Variants in FAHD1 observed in about 807,000 individuals in gnomAD.
The protein encoded by FAHD1 is oxaloacetate tautomerase FAHD1, mitochondrial.
FAHD1 carries 14 observed loss-of-function variants against 12.7 expected under a neutral mutation model. That is an observed-to-expected ratio of 1.10 (90% CI 0.73 to 1.72). The LOEUF (loss-of-function observed/expected upper bound fraction) is 1.72, where lower values mean the gene tolerates loss of function less well. Ranked by LOEUF, FAHD1 falls within the 40% of genes most tolerant of loss-of-function variation. The pLI, the probability that FAHD1 is intolerant of heterozygous loss-of-function variation, is 0.00. For synonymous variants in FAHD1, 153 were observed against 124.9 expected (o/e 1.22, Z -1.50); for missense variants, 351 against 298.9 (o/e 1.17, Z -1.29).
chr16:1,833,076 G>A (rs1452790014), downstream of FAHD1, among the ~76,000 whole-genome samples: 1 of 152,062 alleles, frequency 6.6e-6, no homozygotes, highest in Non-Finnish European at 1.5e-5. Flanking sequence ...TAAAGTACCA[G>A]GTCAAACCTC....
chr16:1,835,789 G>A (rs1898728139), intron 1 of FAHD1, among the ~76,000 whole-genome samples: 1 of 152,130 alleles, frequency 6.6e-6, no homozygotes, highest in South Asian at 2.1e-4. Context: ...GGAGCCCAGA[G>A]GTTCATCTAC....
At chr16:1,830,915 T>TCTACACACACACAC (rs1326026830), downstream of FAHD1, among the ~76,000 whole-genome samples, 3 of 37,528 alleles carry the variant, frequency 8.0e-5, no homozygotes, top group African/African-American at 3.0e-4. Context: ...TCTCTCTCTC[T>TCTACACACACACAC]ATACACACAC....
At chr16:1,829,058 C>T (rs998117562), downstream of FAHD1, 6 of 394,174 alleles carry the variant, frequency 1.5e-5, no homozygotes, top group South Asian at 3.3e-4. Flanking sequence ...TACTTCCCAA[C>T]CGGAGATAAG....
chr16:1,827,526 G>C (rs2142061126), exon 1 of FAHD1: 9 of 1,613,216 alleles, frequency 5.6e-6, no homozygotes, highest in Non-Finnish European at 6.8e-6. Flanking sequence ...GCTATGCCCT[G>C]TGCCTGGATA....
exon 3 of FAHD1, chr16:1,839,439 C>A: frequency 6.2e-7 from 1 of 1,603,652 alleles, no homozygotes; most frequent in African/African-American, 1.3e-5. Context: ...ACAGCTGGAA[C>A]TGAAAAGAAA....
chr16:1,827,900 A>G, exon 1 of FAHD1: 1 of 1,611,768 alleles, frequency 6.2e-7, no homozygotes, highest in Non-Finnish European at 8.5e-7. Flanking sequence ...AAGCCAGAAT[A>G]TTGAGTTATT....
chr16:1,830,020 C>T (rs948296734), downstream of FAHD1, among the ~76,000 whole-genome samples: 5 of 152,148 alleles, frequency 3.3e-5, no homozygotes, highest in East Asian at 9.6e-4. Context: ...TACGCCACCA[C>T]ACCCGGCTAA....
chr16:1,830,857 C>T (rs943262707), downstream of FAHD1, among the ~76,000 whole-genome samples: 1 of 151,972 alleles, frequency 6.6e-6, no homozygotes, highest in Non-Finnish European at 1.5e-5. Flanking sequence ...GGTCCTACGT[C>T]TCTCCCTTCC....
At chr16:1,837,916 A>G (rs930732785) in intron 1 of FAHD1, 1 of 1,457,334 alleles carries the variant, frequency 6.9e-7, no homozygotes, top group African/African-American at 1.4e-5. Flanking sequence ...AAGTTTACAA[A>G]GAAAATTCAT....
chr16:1,838,828 A>T (rs547558726), intron 2 of FAHD1, among the ~76,000 whole-genome samples: 4 of 152,068 alleles, frequency 2.6e-5, no homozygotes, highest in Non-Finnish European at 4.4e-5. Context: ...AGTAGCTAGG[A>T]TTACAAGTGC....
At chr16:1,827,214 A>C in exon 1 of FAHD1, 1 of 1,585,334 alleles carries the variant, frequency 6.3e-7, no homozygotes, top group Non-Finnish European at 8.6e-7. Flanking sequence ...AGCCCACGTG[A>C]CTACAGGGGC....
At chr16:1,828,581 C>G in exon 1 of FAHD1, 1 of 1,000,134 alleles carries the variant, frequency 1.0e-6, no homozygotes, top group Non-Finnish European at 1.2e-6. Context: ...CCGTTGTTTA[C>G]CAAATTTTCT....
At chr16:1,830,916 A>C (rs865953272), downstream of FAHD1, among the ~76,000 whole-genome samples, 7 of 54,072 alleles carry the variant, frequency 1.3e-4, no homozygotes, top group African/African-American at 3.3e-4. Flanking sequence ...CTCTCTCTCT[A>C]TACACACACA....
At chr16:1,836,309 A>G (rs146141782) in intron 1 of FAHD1, among the ~76,000 whole-genome samples, 92 of 152,344 alleles carry the variant, frequency 6.0e-4, no homozygotes, top group African/African-American at 1.8e-3. Context: ...TCTGTTACAC[A>G]CATTCTCTGG....
At chr16:1,833,513 C>T (rs114964713), downstream of FAHD1, among the ~76,000 whole-genome samples, 1,220 of 150,290 alleles carry the variant, frequency 8.1e-3, 20 homozygotes, top group African/African-American at 0.028. Flanking sequence ...TGTCAGATGA[C>T]GAGTCACCAC....
chr16:1,834,341 C>A, intron 1 of FAHD1: 1 of 1,610,626 alleles, frequency 6.2e-7, no homozygotes, highest in Non-Finnish European at 8.5e-7. Context: ...TTTCAATCCA[C>A]TCCTTGCTCT....
chr16:1,835,137 C>G (rs1441643413), intron 1 of FAHD1, among the ~76,000 whole-genome samples: 1 of 152,010 alleles, frequency 6.6e-6, no homozygotes, highest in Non-Finnish European at 1.5e-5. Context: ...CACCTGTGGT[C>G]CCAGCTACTC....
rs754329258 is a variant in FAHD1, at chr16:1,827,211, G to A, written c.-28G>A. On this transcript the variant is annotated 5_prime_UTR_variant, in exon 1 of 1. It adds an upstream start codon to the 5' untranslated region. Transcript: ENST00000427358. ...GCATCAGCTGACCGGCCCAGCCCAC[G>A]TGACTACAGGGGCACTTGATGGGAA... is the stretch of plus-strand genomic sequence containing the variant. 1.3e-6 allele frequency: 2 copies of A among 1,583,062 alleles called. No individual in the cohort carries two copies. The highest frequency in any genetic ancestry group is 1.7e-5 in the Admixed American group (1 of 59,234).
At chr16:1,829,944 A>G (rs1486622505), downstream of FAHD1, among the ~76,000 whole-genome samples, 1 of 151,772 alleles carries the variant, frequency 6.6e-6, no homozygotes, top group African/African-American at 2.4e-5. Context: ...GCTCACTGCA[A>G]CCTCTGCCTC....
Sources: gnomAD v4.1 joint callset for allele counts (sites outside exome capture counted in the v4.1 genomes callset) on GRCh38, gnomAD v4.1.1 for gene constraint, MANE v1.5 for transcripts, NCBI Gene and HGNC (gene_info 2026-07-23, HGNC 2026-07-21) for gene names.